The following COMMD1 variants were observed in gnomAD, a reference collection of about 807,000 sequenced individuals.
COMMD1 encodes COMM domain-containing protein 1.
In COMMD1, 10 loss-of-function variants were observed where a neutral mutation model predicts 17.2. The ratio of observed to expected loss-of-function variants is 0.58; its 90% CI spans 0.36 to 0.99. The LOEUF (loss-of-function observed/expected upper bound fraction) is 0.99. Among genes scored for constraint, COMMD1 ranks in the 50% least tolerant of loss-of-function variants. The pLI is 0.01. For missense variants in COMMD1, 270 were observed against 231.8 expected, an observed-to-expected ratio of 1.17 and a Z score of -1.07; for synonymous variants, 97 against 91.6, an observed-to-expected ratio of 1.06 and a Z score of -0.34.
At chr2:61,920,690 C>G (rs1670167213) in intron 1 of COMMD1, among the ~76,000 whole-genome samples, 1 of 151,864 alleles carries the variant, frequency 6.6e-6, no homozygotes, top group South Asian at 2.1e-4. Context: ...AGAATAAAAG[C>G]CAGTAACAAT....
At chr2:61,991,752 G>C (rs1285880904) in intron 1 of COMMD1, among the ~76,000 whole-genome samples, 1 of 152,178 alleles carries the variant, frequency 6.6e-6, no homozygotes, top group African/African-American at 2.4e-5. Flanking sequence ...GCTAGTTGGG[G>C]AATTACAAAC....
chr2:62,061,781 C>G (rs1361286213), intron 2 of COMMD1, among the ~76,000 whole-genome samples: 1 of 151,618 alleles, frequency 6.6e-6, no homozygotes, highest in African/African-American at 2.4e-5. Context: ...AGGATGGTCT[C>G]GATCTCCTGA....
upstream of COMMD1, among the ~76,000 whole-genome samples, chr2:61,902,437 C>T (rs543939412): frequency 4.1e-4 from 62 of 151,634 alleles, no homozygotes; most frequent in Admixed American, 7.2e-4. Flanking sequence ...ACCCGGGAGG[C>T]GGAGGTTGTG....
chr2:62,121,726 G>A (rs140089416), intron 2 of COMMD1, among the ~76,000 whole-genome samples: 287 of 145,974 alleles, frequency 2.0e-3, no homozygotes, highest in African/African-American at 6.5e-3. Context: ...CAACAGGAGC[G>A]AGACTCCGTC....
chr2:62,008,523 C>G (rs1313928837), intron 2 of COMMD1, among the ~76,000 whole-genome samples: 1 of 152,158 alleles, frequency 6.6e-6, no homozygotes, highest in African/African-American at 2.4e-5. Flanking sequence ...TGTTGTCTTA[C>G]TCCAAATAGC....
chr2:61,965,385 A>G (rs1671479327), intron 1 of COMMD1, among the ~76,000 whole-genome samples: 1 of 152,216 alleles, frequency 6.6e-6, no homozygotes, highest in Non-Finnish European at 1.5e-5. Flanking sequence ...TAACAGTGTG[A>G]TCTGTCTGCT....
At chr2:61,904,934 A>G (rs545741239), upstream of COMMD1, among the ~76,000 whole-genome samples, 1 of 152,334 alleles carries the variant, frequency 6.6e-6, no homozygotes, top group South Asian at 2.1e-4. Flanking sequence ...TGGATGTCCA[A>G]TATTTGGCCT....
chr2:62,050,465 G>C (rs950733669), intron 2 of COMMD1, among the ~76,000 whole-genome samples: 1 of 152,120 alleles, frequency 6.6e-6, no homozygotes, highest in Non-Finnish European at 1.5e-5. Flanking sequence ...TTAAAACACT[G>C]TATGCATTAT....
intron 2 of COMMD1, among the ~76,000 whole-genome samples, chr2:62,104,847 TG>T (rs1256675792): frequency 6.6e-6 from 1 of 151,440 alleles, no homozygotes; most frequent in African/African-American, 2.4e-5. Flanking sequence ...AATTTATGAC[TG>T]GGCGCAGTAG....
chr2:62,004,949 T>G (rs1192138533), intron 2 of COMMD1, among the ~76,000 whole-genome samples: 1 of 152,138 alleles, frequency 6.6e-6, no homozygotes, highest in African/African-American at 2.4e-5. Flanking sequence ...TGAACTCTGG[T>G]GTGTGTGTTT....
chr2:61,942,178 A>C (rs976721282), intron 1 of COMMD1, among the ~76,000 whole-genome samples: 2 of 150,624 alleles, frequency 1.3e-5, no homozygotes, highest in Non-Finnish European at 2.9e-5. Context: ...ATCTTGGCTC[A>C]CTGCAACCTC....
At chr2:62,026,815 A>G (rs1223619021) in intron 2 of COMMD1, among the ~76,000 whole-genome samples, 2 of 152,294 alleles carry the variant, frequency 1.3e-5, no homozygotes, top group Non-Finnish European at 2.9e-5. Flanking sequence ...AGTAACATAT[A>G]CTGTTAAAGA....
At chr2:61,942,082 C>G (rs989970822) in intron 1 of COMMD1, among the ~76,000 whole-genome samples, 2 of 152,226 alleles carry the variant, frequency 1.3e-5, no homozygotes, top group South Asian at 4.2e-4. Flanking sequence ...TTTACATTTT[C>G]TTCAGCAAAA....
intron 2 of COMMD1, among the ~76,000 whole-genome samples, chr2:62,061,658 C>T (rs1449384047): frequency 6.6e-6 from 1 of 150,450 alleles, no homozygotes; most frequent in Non-Finnish European, 1.5e-5. Flanking sequence ...CAGGTTCAAG[C>T]GATTCTCCTG....
chr2:62,000,983 G>A lies in COMMD1; in HGVS notation c.462+1G>A. ...GCTGGAATTAGGCAAATATGGACAG[G>A]TGAGTTAAACTTAAGTCAATTTTCC... On this transcript the variant is annotated splice_donor_variant, in intron 2 of 2. Coordinates refer to ENST00000311832, the MANE Select transcript of COMMD1 (RefSeq NM_152516.4). LOFTEE classifies it high-confidence loss of function. 1 of 1,611,782 alleles carries A rather than the reference G, an allele frequency of 6.2e-7. No individual in the cohort carries two copies.
At chr2:61,969,665 A>C (rs1367424162) in intron 1 of COMMD1, among the ~76,000 whole-genome samples, 1 of 152,142 alleles carries the variant, frequency 6.6e-6, no homozygotes, top group Admixed American at 6.5e-5. Flanking sequence ...ATTAATTTAA[A>C]TCTGTGTGAT....
intron 1 of COMMD1, among the ~76,000 whole-genome samples, chr2:61,929,562 T>A (rs1043579090): frequency 1.3e-5 from 2 of 152,218 alleles, no homozygotes; most frequent in African/African-American, 4.8e-5. Context: ...CCATCAAACC[T>A]AGCATAACAA....
intron 2 of COMMD1, among the ~76,000 whole-genome samples, chr2:62,073,458 T>A (rs1671255906): frequency 6.6e-6 from 1 of 152,232 alleles, no homozygotes; most frequent in Non-Finnish European, 1.5e-5. Context: ...AGACAGTAGT[T>A]TTACTCTTTC....
At chr2:62,104,199 C>T (rs1672260337) in intron 2 of COMMD1, among the ~76,000 whole-genome samples, 1 of 152,168 alleles carries the variant, frequency 6.6e-6, no homozygotes, top group Non-Finnish European at 1.5e-5. Flanking sequence ...GCAATATTCA[C>T]TGCATCCCTT....
Sources: allele counts gnomAD v4.1 joint callset (sites outside exome capture counted in the v4.1 genomes callset), GRCh38; gene constraint gnomAD v4.1.1; transcripts MANE v1.5; gene names NCBI Gene and HGNC (gene_info 2026-07-23, HGNC 2026-07-21).